The following MVD variants were observed in gnomAD, a reference collection of about 807,000 sequenced individuals.
The protein encoded by MVD is diphosphomevalonate decarboxylase.
MVD carries 52 observed loss-of-function variants against 42.4 expected under a neutral mutation model. The ratio of observed to expected loss-of-function variants is 1.23; its 90% CI spans 0.98 to 1.55. The LOEUF (loss-of-function observed/expected upper bound fraction) is 1.55. MVD is among the 40% of genes most tolerant of loss of function. The pLI is 0.00. For synonymous variants in MVD, 287 were observed against 243.2 expected, an observed-to-expected ratio of 1.18 and a Z score of -1.68; for missense variants, 663 against 572.1, an observed-to-expected ratio of 1.16 and a Z score of -1.62.
At position 88,652,525 on chromosome 16, in the gene MVD, T is replaced by C; in HGVS notation, c.1203A>G (p.Ter401TrpextTer95). The change falls in exon 10 of 10, where the codon TGA (stop) becomes TGG (tryptophan). Residue 401 changes from the stop codon to tryptophan, a stop_lost. Coordinates refer to ENST00000301012, the MANE Select transcript of MVD (RefSeq NM_002461.3). ...CGGCATGCGGTCCCTGCTGAGGCAG[T>C]CAGGCAGCTGGCTTCGGCAGGCCGT... ...GPDGLPKPAA[*>W] 1 of 1,569,376 alleles carries C rather than the reference T, an allele frequency of 6.4e-7. No homozygotes were observed. Among genetic ancestry groups the C allele is most frequent in the Non-Finnish European group, 8.6e-7 (1 of 1,157,072 alleles).
In MVD at chr16:88,653,082, C is replaced by T. The variant is rs115767021; in HGVS notation, c.1122+218G>A. Among the ~76,000 whole-genome samples the T allele has an allele frequency of 1.9e-3, 292 of 152,322 alleles. 1 individual carries two copies. The highest frequency in any genetic ancestry group is 6.8e-3 in the African/African-American group (283 of 41,580). ...TCCCTGGGAGCCTGTGTCAGACTCACCCTCCCACCCTCAGCGCAGCCCTGC... is the reference window on the plus strand; with the variant it reads ...TCCCTGGGAGCCTGTGTCAGACTCATCCTCCCACCCTCAGCGCAGCCCTGC... On this transcript the variant is annotated intron_variant, in intron 9 of 9. Transcript: ENST00000301012.
At position 88,662,821 on chromosome 16, in the gene MVD, C is replaced by A. The variant is rs764652041; in HGVS notation, c.70+190G>T. 39 of 1,458,688 alleles carry A rather than the reference C, an allele frequency of 2.7e-5. 1 individual carries two copies. The South Asian group carries it at 4.6e-4, about 17-fold the overall frequency. The allele number at this position is 1,458,688 out of a possible 1,614,324, so 90.4% of individuals were successfully genotyped here. ...GCCGTCGCGGGGGAACGGGTGGCGC[C>A]GAGCTTGTCACGCGAAGGAGCGCGC... On this transcript the variant is annotated intron_variant, in intron 1 of 9. Coordinates refer to ENST00000301012, the MANE Select transcript of MVD (RefSeq NM_002461.3).
chr16:88,657,502 C>G lies in MVD; in HGVS notation c.337G>C (p.Ala113Pro). Residue 113 changes from alanine (A) to proline (P), a missense_variant, in exon 4 of 10, where the codon GCA (alanine) becomes CCA (proline). Ala to Pro is a conservative substitution (Grantham distance 27). Coordinates refer to ENST00000301012, the MANE Select transcript of MVD (RefSeq NM_002461.3). Reference protein sequence around the residue: ...PSSLSCKVHVASVNNFPTAAG... With the variant: ...PSSLSCKVHVPSVNNFPTAAG... ...GCCGTGGGGAAGTTGTTCACCGATG[C>G]CACGTGCACCTTGCAGCTGAGGCTG... is the stretch of plus-strand genomic sequence containing the variant. 1 of 1,612,800 alleles carries G rather than the reference C, an allele frequency of 6.2e-7. No individual in the cohort carries two copies. Among genetic ancestry groups the G allele is most frequent in the South Asian group, 1.1e-5 (1 of 91,080 alleles).
At position 88,656,241 on chromosome 16, in the gene MVD, G is replaced by C. The variant is rs759678775; in HGVS notation, c.467C>G (p.Ser156Ter). The C allele has an allele frequency of 6.3e-7, 1 of 1,599,488 alleles. No homozygotes were observed. Among genetic ancestry groups the C allele is most frequent in the South Asian group, 1.1e-5 (1 of 91,086 alleles). Reference sequence around the variant, plus strand: ...ATACAGGCTCCGGCAGGCGCTGCCTGAGCCCCGGCGAGCCACTTCTGAGAG... The same window carrying C: ...ATACAGGCTCCGGCAGGCGCTGCCTCAGCCCCGGCGAGCCACTTCTGAGAG... ...SDLSEVARRGSGSACRSLYGG... is the reference protein window; with the variant it reads ...SDLSEVARRG The change falls in exon 5 of 10, where the codon TCA becomes TGA. Residue 156 changes from serine to a stop codon, truncating the protein, a stop_gained. Transcript: ENST00000301012. LOFTEE classifies it high-confidence loss of function.
intron 1 of MVD, among the ~76,000 whole-genome samples, chr16:88,661,085 T>G (rs576775124): frequency 5.3e-4 from 81 of 151,752 alleles, no homozygotes; most frequent in Non-Finnish European, 8.8e-4. Flanking sequence ...CAGCTGATTT[T>G]TTTTTTTACA....
In MVD at chr16:88,652,565, T is replaced by C. The variant is rs1329492615; in HGVS notation, c.1163A>G (p.His388Arg). 3 of 1,570,864 alleles carry C rather than the reference T, an allele frequency of 1.9e-6. No homozygotes were observed. Among genetic ancestry groups the C allele is most frequent in the Admixed American group, 3.7e-5 (2 of 54,268 alleles). Reference sequence around the variant, plus strand: ...CGGCAGGCCGTCAGGACCCAGGAGGTGGGCGCAGGGGTCATCCAGGATTTG... The same window carrying C: ...CGGCAGGCCGTCAGGACCCAGGAGGCGGGCGCAGGGGTCATCCAGGATTTG... ...GPQILDDPCA[H>R]LLGPDGLPKP... Residue 388 changes from histidine to arginine, a missense_variant, in exon 10 of 10, where the codon CAC becomes CGC. His to Arg is a conservative substitution (Grantham distance 29). Coordinates refer to ENST00000301012, the MANE Select transcript of MVD (RefSeq NM_002461.3).
intron 1 of MVD, among the ~76,000 whole-genome samples, chr16:88,660,001 AAAAG>A (rs1908190582): frequency 6.6e-6 from 1 of 151,790 alleles, no homozygotes; most frequent in South Asian, 2.1e-4. Context: ...AGAAAAGAAA[AAAAG>A]AAACAGATCC....
Position 88,654,797 on chromosome 16 carries a change from G to A in MVD, c.908C>T (p.Thr303Ile). 2 of 1,573,480 alleles carry A rather than the reference G, an allele frequency of 1.3e-6. No homozygotes were observed. The highest frequency in any genetic ancestry group is 1.7e-6 in the Non-Finnish European group (2 of 1,161,838). Reference sequence around the variant, plus strand: ...CACGGCATTGGGGCCCGCGTCAAAGGTGTACGCCACCTGGAACCCACAGCA... The same window carrying A: ...CACGGCATTGGGGCCCGCGTCAAAGATGTACGCCACCTGGAACCCACAGCA... ...AHHGDTKVAY[T>I]FDAGPNAVIF... Residue 303 changes from threonine (T) to isoleucine (I), a missense_variant, in exon 8 of 10, where the codon ACC becomes ATC. By Grantham distance (89) the Thr-to-Ile change is moderately conservative. Transcript: ENST00000301012.
intron 4 of MVD, chr16:88,657,137 G>GT (rs553741059): frequency 1.7e-5 from 10 of 601,934 alleles, no homozygotes; most frequent in Non-Finnish European, 2.5e-5. Flanking sequence ...AGATGGGGGG[G>GT]GGTCTCACTA....
chr16:88,653,889 G>A (rs930311853), intron 8 of MVD, among the ~76,000 whole-genome samples: 1 of 152,084 alleles, frequency 6.6e-6, no homozygotes, highest in Non-Finnish European at 1.5e-5. Flanking sequence ...TGGGGTGTGG[G>A]TCTGAGTCCA....
chr16:88,656,894 C>T (rs1379081093), intron 4 of MVD: 1 of 299,578 alleles, frequency 3.3e-6, no homozygotes, highest in South Asian at 2.8e-5. Context: ...GAGACCACCA[C>T]CGGGGGGACA....
intron 1 of MVD, 21 bp from the exon 2 acceptor site, chr16:88,658,741 C>G (rs761681451): frequency 1.2e-5 from 19 of 1,602,050 alleles, no homozygotes; most frequent in Non-Finnish European, 1.6e-5. Context: ...CAGCCAGGGC[C>G]AGGCCGGTGG....
chr16:88,652,267 A>C lies in MVD; in HGVS notation c.*258T>G. ...AGCCCTGCTGCACCGAGGCTCTGCC[A>C]GTTCTCATACCCCCTCCCCATCCCA... On this transcript the variant is annotated 3_prime_UTR_variant, in exon 10 of 10. Coordinates refer to ENST00000301012, the MANE Select transcript of MVD (RefSeq NM_002461.3). The C allele has an allele frequency of 1.7e-6, 1 of 585,258 alleles. No homozygotes were observed. The highest frequency in any genetic ancestry group is 3.1e-6 in the Non-Finnish European group (1 of 325,862). 36.3% of individuals were successfully genotyped at this position (585,258 alleles called of 1,614,324 possible).
intron 3 of MVD, 28 bp downstream of exon 3, chr16:88,657,887 G>C: frequency 1.3e-6 from 2 of 1,599,004 alleles, no homozygotes; most frequent in Non-Finnish European, 1.7e-6. Flanking sequence ...CAACAGGGAG[G>C]GATGGGCTTA....
chr16:88,654,344 C>T (rs544850880), intron 8 of MVD, among the ~76,000 whole-genome samples: 12 of 152,338 alleles, frequency 7.9e-5, no homozygotes, highest in East Asian at 5.8e-4. Context: ...TTCAAAATGT[C>T]GGACACTTAC....
At chr16:88,653,201 A>G (rs1597376404) in intron 9 of MVD, 99 bp downstream of exon 9, 1 of 892,592 alleles carries the variant, frequency 1.1e-6, no homozygotes, top group Non-Finnish European at 1.7e-6. Context: ...CACGGTAGGG[A>G]CAGGGAGCCG....
At chr16:88,654,847 C>A in intron 7 of MVD, 40 bp from the exon 8 acceptor site, 1 of 1,524,408 alleles carries the variant, frequency 6.6e-7, no homozygotes. Context: ...TCACGTGGTG[C>A]CTGACCCTTG....
chr16:88,660,309 C>G (rs1435836224), intron 1 of MVD, among the ~76,000 whole-genome samples: 1 of 152,204 alleles, frequency 6.6e-6, no homozygotes, highest in Admixed American at 6.5e-5. Context: ...TAAAGAAGAC[C>G]AGAGTCTCTG....
At position 88,663,009 on chromosome 16, in the gene MVD, A is replaced by G. The variant is rs757722946; in HGVS notation, c.70+2T>C. The G allele has an allele frequency of 6.2e-6, 10 of 1,602,722 alleles. No homozygotes were observed. In the South Asian group the frequency reaches 1.1e-4, roughly 18 times the overall value. On this transcript the variant is annotated splice_donor_variant, in intron 1 of 9. Transcript: ENST00000301012. LOFTEE classifies it high-confidence loss of function. The stretch of plus-strand genomic sequence containing the variant: ...CGTCCCAGGCCGGCCCGCGGCACTC[A>G]CAGTACTTGATGACCGCGATGTTGA...
Sources: allele counts gnomAD v4.1 joint callset (sites outside exome capture counted in the v4.1 genomes callset), GRCh38; gene constraint gnomAD v4.1.1; transcripts MANE v1.5; gene names NCBI Gene and HGNC (gene_info 2026-07-23, HGNC 2026-07-21).